The following MRPL4 variants were observed in gnomAD, a reference collection of about 807,000 sequenced individuals.
The protein encoded by MRPL4 is mitochondrial ribosomal protein L4.
A neutral mutation model predicts 34.1 loss-of-function variants in MRPL4; 34 were observed. The ratio of observed to expected loss-of-function variants is 1.00; its 90% CI spans 0.76 to 1.33. The LOEUF (loss-of-function observed/expected upper bound fraction) is 1.33. Ranked by LOEUF, MRPL4 falls within the 40% of genes most tolerant of loss-of-function variation. MRPL4 has a pLI of 0.00. For missense variants in MRPL4, 402 were observed against 434.6 expected (o/e 0.92, Z 0.67); for synonymous variants, 196 against 188.3 (o/e 1.04, Z -0.33).
In MRPL4 at chr19:10,252,440, A is replaced by C. The variant is rs1310947983; in HGVS notation, c.101A>C (p.Asn34Thr). The change falls in exon 2 of 9, where the codon AAC becomes ACC. Residue 34 changes from asparagine (N) to threonine (T), a missense_variant. By Grantham distance (65) the Asn-to-Thr change is moderately conservative. Transcript: ENST00000253099. Reference protein sequence around the residue: ...LAEEAARATENPEQVASEGLP... With the variant: ...LAEEAARATETPEQVASEGLP... ...GAAGAGGCAGCGCGTGCGACCGAGA[A>C]CCCGGAGCAGGTGGCGAGCGAGGGT... 1 of 1,613,932 alleles carries C rather than the reference A, an allele frequency of 6.2e-7. No homozygotes were observed. Among genetic ancestry groups the C allele is most frequent in the Non-Finnish European group, 8.5e-7 (1 of 1,179,934 alleles).
rs1183181364 is a variant in MRPL4, at chr19:10,259,650, C to T, written c.773C>T (p.Thr258Met). ...GTGCACAGCATGCTCAAGCACCAGA[C>T]GCTGGTCCTGACGCTGCCCACCGTC... ...LNVHSMLKHQ[T>M]LVLTLPTVAF... Residue 258 changes from threonine (T) to methionine (M), a missense_variant, in exon 9 of 9, where the codon ACG (threonine) becomes ATG (methionine). By Grantham distance (81) the Thr-to-Met change is moderately conservative (BLOSUM62 -1). Transcript: ENST00000253099. 6 of 1,605,232 alleles carry T rather than the reference C, an allele frequency of 3.7e-6. No homozygotes were observed. The highest frequency in any genetic ancestry group is 5.1e-6 in the Non-Finnish European group (6 of 1,178,992).
intron 5 of MRPL4, 24 bp downstream of exon 5, chr19:10,256,849 C>CGGGG: frequency 9.0e-5 from 2 of 22,272 alleles, no homozygotes; most frequent in Admixed American, 1.2e-3. Flanking sequence ...GTGGAGGGGG[C>CGGGG]GGGGAGGGGT....
intron 3 of MRPL4, among the ~76,000 whole-genome samples, chr19:10,253,470 C>CAAAAAAA (rs571009042): frequency 9.7e-6 from 1 of 103,010 alleles, no homozygotes; most frequent in Non-Finnish European, 1.9e-5. Flanking sequence ...CACTCTGTCT[C>CAAAAAAA]AAAAAAAAAA....
At chr19:10,258,952 AAGTT>A in intron 8 of MRPL4, 7 of 1,418,498 alleles carry the variant, frequency 4.9e-6, no homozygotes, top group South Asian at 1.5e-5. Flanking sequence ...AAAAATAAAA[AAGTT>A]AGGCGTGGCG....
At position 10,252,634 on chromosome 19, in the gene MRPL4, C is replaced by T. The variant is rs138990905; in HGVS notation, c.208C>T (p.Arg70Trp). The change falls in exon 3 of 9, where the codon CGG becomes TGG. Residue 70 changes from arginine (R) to tryptophan (W), a missense_variant. Transcript: ENST00000253099. Reference sequence around the variant, plus strand: ...AGTGCAGGCCTGGGTCGAGTCCTTGCGGGGCTTCGAGCAGGAGCGCGTGGG... The same window carrying T: ...AGTGCAGGCCTGGGTCGAGTCCTTGTGGGGCTTCGAGCAGGAGCGCGTGGG... The part of the protein sequence containing the change: ...RPVQAWVESL[R>W]GFEQERVGLA... 1.3e-4 allele frequency: 206 copies of T among 1,610,816 alleles called. No homozygotes were observed. The highest frequency in any genetic ancestry group is 1.4e-4 in the Non-Finnish European group (165 of 1,179,908).
At chr19:10,255,649 G>T (rs2145469486) in intron 4 of MRPL4, 1 of 152,604 alleles carries the variant, frequency 6.6e-6, no homozygotes, top group South Asian at 2.1e-4. Context: ...ACCAGTCAGG[G>T]TCTTATCCAT....
intron 8 of MRPL4, chr19:10,259,098 C>CAAA (rs35481360): frequency 0.02 from 10,632 of 539,638 alleles, 1,327 homozygotes; most frequent in Admixed American, 0.061. Flanking sequence ...ACTCTTGTCT[C>CAAA]AAAAAAAAAA....
chr19:10,258,433 C>G lies in MRPL4; in HGVS notation c.573C>G (p.Asp191Glu). Residue 191 changes from aspartate (D) to glutamate (E), a missense_variant, in exon 7 of 9, where the codon GAC becomes GAG. Asp to Glu is a conservative substitution (Grantham distance 45). Transcript: ENST00000253099. ...ACCAGGACGACCTGCACATCATGGA[C>G]TCCCTAGAGCTGCCCACCGGAGACC... is the stretch of plus-strand genomic sequence containing the variant. ...KLAQDDLHIM[D>E]SLELPTGDPQ... 2 of 1,613,980 alleles carry G rather than the reference C, an allele frequency of 1.2e-6. No individual in the cohort carries two copies. The highest frequency in any genetic ancestry group is 1.7e-6 in the Non-Finnish European group (2 of 1,179,980).
Position 10,252,630 on chromosome 19 carries a change from C to T in MRPL4, c.204C>T (p.Ser68=). ...GCCCAGTGCAGGCCTGGGTCGAGTC[C>T]TTGCGGGGCTTCGAGCAGGAGCGCG... ...HRRPVQAWVE[S]LRGFEQERVG... Residue 68 remains serine (S), a synonymous_variant, in exon 3 of 9, where the codon TCC becomes TCT. Coordinates refer to ENST00000253099, the MANE Select transcript of MRPL4 (RefSeq NM_015956.3). The T allele has an allele frequency of 6.2e-7, 1 of 1,611,246 alleles. No homozygotes were observed. The highest frequency in any genetic ancestry group is 8.5e-7 in the Non-Finnish European group (1 of 1,179,890).
chr19:10,259,943 C>A lies in MRPL4; in HGVS notation c.*130C>A. The A allele has an allele frequency of 1.3e-6, 1 of 788,974 alleles. No individual in the cohort carries two copies. The allele number at this position is 788,974 out of a possible 1,614,324, so 48.9% of individuals were successfully genotyped here. On this transcript the variant is annotated 3_prime_UTR_variant, in exon 9 of 9. Transcript: ENST00000253099. The stretch of plus-strand genomic sequence containing the variant: ...CGGAGGAAGCTGAGGCCACAGGGAG[C>A]GGCCATCGCCATTGGGAAGGGGCGA...
At chr19:10,259,008 C>G (rs61260418) in intron 8 of MRPL4, 1 of 1,382,016 alleles carries the variant, frequency 7.2e-7, no homozygotes, top group Non-Finnish European at 9.3e-7. Flanking sequence ...CTGAGCCAGG[C>G]GGATAGCTTG....
intron 4 of MRPL4, 98 bp from the exon 5 acceptor site, chr19:10,256,610 T>C (rs1359666957): frequency 1.4e-5 from 13 of 943,934 alleles, no homozygotes; most frequent in Middle Eastern, 2.2e-4. Context: ...CCCGTCATCA[T>C]GGTGCCTCCT....
At chr19:10,256,925 T>G (rs955667564) in intron 5 of MRPL4, 100 bp downstream of exon 5, 10 of 993,926 alleles carry the variant, frequency 1.0e-5, no homozygotes, top group South Asian at 9.1e-5. Context: ...CATGGTATTA[T>G]GTCAGCCCTG....
rs748494971 is a variant in MRPL4 at position 10,258,650 on chromosome 19, C to A, written c.704C>A (p.Ser235Tyr). The change falls in exon 8 of 9, where the codon TCT (serine) becomes TAT (tyrosine). Residue 235 changes from serine (S) to tyrosine (Y), a missense_variant. Ser to Tyr is a moderately radical substitution (Grantham distance 144). Transcript: ENST00000253099. The part of the protein sequence containing the change: ...EMPQSIVEAT[S>Y]RLKTFNLIPA... ...CCACAGAGCATCGTGGAGGCCACCT[C>A]TAGGCTTAAGACCTTCAACTTGATC... 1.9e-6 allele frequency: 3 copies of A among 1,614,198 alleles called. No homozygotes were observed. Among genetic ancestry groups the A allele is most frequent in the Non-Finnish European group, 2.5e-6 (3 of 1,180,050 alleles).
At chr19:10,258,022 C>A (rs961938314) in intron 5 of MRPL4, among the ~76,000 whole-genome samples, 200 bp from the exon 6 acceptor site, 1 of 152,018 alleles carries the variant, frequency 6.6e-6, no homozygotes, top group Admixed American at 6.6e-5. Context: ...AGTGTGACAG[C>A]TGGGAAAACT....
chr19:10,256,869 A>AT, intron 5 of MRPL4, 44 bp downstream of exon 5: 11 of 775,002 alleles, frequency 1.4e-5, no homozygotes, highest in Admixed American at 3.3e-5. Flanking sequence ...TGGGGGGGCC[A>AT]GGGAAGGGCC....
At chr19:10,259,587 C>T (rs112603437) in intron 8 of MRPL4, 30 bp from the exon 9 acceptor site, 33 of 657,342 alleles carry the variant, frequency 5.0e-5, no homozygotes, top group Non-Finnish European at 5.9e-5. Context: ...GCCTGACCGG[C>T]CCCCCGCCCC....
chr19:10,258,362 AGGTGG>A (rs749686288), intron 6 of MRPL4, 34 bp downstream of exon 6: 1 of 1,613,628 alleles, frequency 6.2e-7, no homozygotes, highest in Non-Finnish European at 8.5e-7. Flanking sequence ...CAGCTGCTAG[AGGTGG>A]GGCTGCTCTG....
intron 8 of MRPL4, chr19:10,259,087 GACTCTTGTCTCAAAAAAAAAAAAAAAAAA>G: frequency 8.6e-7 from 1 of 1,166,580 alleles, no homozygotes; most frequent in Non-Finnish European, 1.0e-6. Flanking sequence ...GAGAGAGCTA[GACTCTTGTCTCAAAAAAAAAAAAAAAAAA>G]AAAAAAAAAG....
Sources: gnomAD v4.1 joint callset for allele counts (sites outside exome capture counted in the v4.1 genomes callset) on GRCh38, gnomAD v4.1.1 for gene constraint, MANE v1.5 for transcripts, NCBI Gene and HGNC (gene_info 2026-07-23, HGNC 2026-07-21) for gene names.